CIITA: variants seen among roughly 807,000 people sequenced by gnomAD.
The protein encoded by CIITA is class II major histocompatibility complex transactivator.
A neutral mutation model predicts 115.1 loss-of-function variants in CIITA; 72 were observed. The observed-to-expected ratio is 0.63, with a 90% CI of 0.52 to 0.76. The LOEUF is 0.76. Ranked by LOEUF, CIITA falls within the 30% of genes least tolerant of loss-of-function variation. The pLI, the probability that CIITA is intolerant of heterozygous loss-of-function variation, is 0.00. For synonymous variants in CIITA, 763 were observed against 635.6 expected (o/e 1.20, Z -3.02); for missense variants, 1,617 against 1,463.8 (o/e 1.10, Z -1.71).
rs912452215 is a variant in CIITA at position 10,929,252 on chromosome 16, C to T, written c.*5397C>T. ...GCTGGGAGTCGCTTTTGCGTGTGTC[C>T]GCAGTTTGAAGTGTCCTCTCCGAAG... On this transcript the variant is annotated 3_prime_UTR_variant, in exon 20 of 20. Coordinates refer to ENST00000324288, the MANE Select transcript of CIITA (RefSeq NM_000246.4). The surrounding 1 kb of genome is among the most constrained non-coding windows in gnomAD (Gnocchi z 4.3). 16 of 985,794 alleles carry T rather than the reference C, an allele frequency of 1.6e-5. No homozygotes were observed. Among genetic ancestry groups the T allele is most frequent in the Middle Eastern group, 5.2e-4 (1 of 1,936 alleles). 61.1% of individuals were successfully genotyped at this position (985,794 alleles called of 1,614,324 possible). A position where few individuals can be genotyped will look rare whatever the true frequency, so the allele number is the denominator to read the frequency against.
rs140131015 is a variant in CIITA at position 10,881,685 on chromosome 16, T to C, written c.52+4303T>C. ...AAATCATGGTAAAATACATATAACA[T>C]AAAATTTACCATTTTAACCACTTTC... On this transcript the variant is annotated intron_variant, in intron 1 of 19. Transcript: ENST00000324288. Among the ~76,000 whole-genome samples, 559 of 152,348 alleles carry C rather than the reference T, an allele frequency of 3.7e-3. 5 individuals are homozygous for C. Among genetic ancestry groups the C allele is most frequent in the Middle Eastern group, 0.01 (3 of 294 alleles).
At position 10,941,763 on chromosome 16, in the gene CIITA, G is replaced by C. The variant is rs762030120; in HGVS notation, n.889G>C. On this transcript the variant is annotated non_coding_transcript_exon_variant, in exon 2 of 2. Coordinates refer to the CIITA transcript ENST00000573379. This position sits in a 1 kb window ranked among gnomAD's most constrained non-coding sequence, Gnocchi z 6.4. The stretch of plus-strand genomic sequence containing the variant: ...AGACGTCGAGCTCCGAGTCAGCATC[G>C]TAAAGGCCCGAGCCGGGGTCGGAGA... The C allele has an allele frequency of 1.9e-6, 3 of 1,613,238 alleles. No individual in the cohort carries two copies. Among genetic ancestry groups the C allele is most frequent in the Non-Finnish European group, 2.5e-6 (3 of 1,179,606 alleles).
At position 10,911,095 on chromosome 16, in the gene CIITA, C is replaced by T. The variant is rs11645869; in HGVS notation, c.2888+836C>T. Among the ~76,000 whole-genome samples the T allele has an allele frequency of 4.9e-3, 741 of 152,278 alleles. 2 individuals carry two copies. The highest frequency in any genetic ancestry group is 8.0e-3 in the Non-Finnish European group (544 of 68,014). On this transcript the variant is annotated intron_variant, in intron 13 of 19. Coordinates refer to ENST00000324288, the MANE Select transcript of CIITA (RefSeq NM_000246.4). ...GACCTAGGCAAGGCTCTAGGGAGTC[C>T]AGTTGTGTCTGGGTCACTGAGGAGG...
At chr16:10,876,893 G>A (rs980847089), upstream of CIITA, among the ~76,000 whole-genome samples, 5 of 152,212 alleles carry the variant, frequency 3.3e-5, no homozygotes, top group East Asian at 1.9e-4. Context: ...GAAGGTGGCA[G>A]ATATTGGCAG....
chr16:10,889,247 C>A (rs575924175), intron 1 of CIITA, among the ~76,000 whole-genome samples: 3 of 152,118 alleles, frequency 2.0e-5, no homozygotes, highest in Admixed American at 1.3e-4. Flanking sequence ...AATGAAGGGG[C>A]CTTTGAAGCA....
downstream of CIITA, chr16:10,936,843 G>C (rs575311883): frequency 6.6e-6 from 1 of 152,362 alleles, no homozygotes; most frequent in East Asian, 1.9e-4. Context: ...CAGGGATAAA[G>C]AGGTCTGCCA....
Position 10,943,000 on chromosome 16 carries a change from T to A in CIITA, n.2126T>A, listed in dbSNP as rs933390973. Reference sequence around the variant, plus strand: ...ACACCTGAATAAAGAGATTCCGAGGTAGTTCAGATCTTCAACCATAAGGAT... The same window carrying A: ...ACACCTGAATAAAGAGATTCCGAGGAAGTTCAGATCTTCAACCATAAGGAT... On this transcript the variant is annotated non_coding_transcript_exon_variant, in exon 2 of 2. Transcript: ENST00000573379. This position sits in a 1 kb window ranked among gnomAD's most constrained non-coding sequence, Gnocchi z 5.0. The A allele has an allele frequency of 6.6e-6, 1 of 152,230 alleles. No individual in the cohort carries two copies. The highest frequency in any genetic ancestry group is 1.5e-5 in the Non-Finnish European group (1 of 68,036). The allele number at this position is 152,230 out of a possible 1,614,324, so 9.4% of individuals were successfully genotyped here.
rs2041144224 is a variant in CIITA, at chr16:10,942,947, T to G, written n.2073T>G. ...TCTGGTTGCTGGAAGGTCCGCCCACTACGGAACCTGCATCCTAGAGTTAAG... is the reference window on the plus strand; with the variant it reads ...TCTGGTTGCTGGAAGGTCCGCCCACGACGGAACCTGCATCCTAGAGTTAAG... On this transcript the variant is annotated non_coding_transcript_exon_variant, in exon 2 of 2. Transcript: ENST00000573379. This position sits in a 1 kb window ranked among gnomAD's most constrained non-coding sequence, Gnocchi z 5.0. The G allele has an allele frequency of 6.6e-6, 1 of 152,238 alleles. No individual in the cohort carries two copies. The highest frequency in any genetic ancestry group is 1.5e-5 in the Non-Finnish European group (1 of 68,042). 9.4% of individuals were successfully genotyped at this position (152,238 alleles called of 1,614,324 possible).
intron 16 of CIITA, 152 bp downstream of exon 16, chr16:10,918,678 ACT>A (rs1242153294): frequency 3.0e-6 from 2 of 668,044 alleles, no homozygotes; most frequent in African/African-American, 3.6e-5. Context: ...GGTGAAAGAA[ACT>A]CTGAGCAAGT....
chr16:10,915,943 C>T (rs1334588143), intron 14 of CIITA, among the ~76,000 whole-genome samples: 1 of 152,242 alleles, frequency 6.6e-6, no homozygotes, highest in Non-Finnish European at 1.5e-5. Context: ...GATGACGCCA[C>T]ATCAGATGGG....
chr16:10,899,579 G>A (rs1054380968), intron 5 of CIITA, among the ~76,000 whole-genome samples: 4 of 152,248 alleles, frequency 2.6e-5, no homozygotes, highest in African/African-American at 4.8e-5. Flanking sequence ...TTTCTTGCTC[G>A]TGACTGTTTC....
chr16:10,934,312 C>G lies in CIITA; in HGVS notation c.*10457C>G, dbSNP rs1368181949. The stretch of plus-strand genomic sequence containing the variant: ...ATCATTTATGTCACCATATAACACC[C>G]AAAGCAGTAGAATTTGTCATACACA... On this transcript the variant is annotated 3_prime_UTR_variant, in exon 20 of 20. Coordinates refer to ENST00000324288, the MANE Select transcript of CIITA (RefSeq NM_000246.4). The surrounding 1 kb of genome is among the most constrained non-coding windows in gnomAD (Gnocchi z 4.2). The G allele has an allele frequency of 6.6e-6, 1 of 152,150 alleles. No individual in the cohort carries two copies. Among genetic ancestry groups the G allele is most frequent in the Non-Finnish European group, 1.5e-5 (1 of 68,032 alleles). The allele number at this position is 152,150 out of a possible 1,614,324, so 9.4% of individuals were successfully genotyped here.
At position 10,902,873 on chromosome 16, in the gene CIITA, T is replaced by C. The variant is rs553052381; in HGVS notation, c.772+72T>C. The C allele has an allele frequency of 1.2e-4, 185 of 1,570,492 alleles. 4 individuals carry two copies. In the South Asian group the frequency reaches 1.9e-3, roughly 16 times the overall value. Reference sequence around the variant, plus strand: ...CTGCTCCCTGACCTCATCCTCCCCATACTCCATGCACTTGGCAGTGGTGCC... The same window carrying C: ...CTGCTCCCTGACCTCATCCTCCCCACACTCCATGCACTTGGCAGTGGTGCC... On this transcript the variant is annotated intron_variant, in intron 8 of 19. Transcript: ENST00000324288.
intron 16 of CIITA, among the ~76,000 whole-genome samples, chr16:10,918,975 CTT>C (rs2040119400): frequency 6.6e-6 from 1 of 152,080 alleles, no homozygotes; most frequent in Non-Finnish European, 1.5e-5. Context: ...TTTTGAGTGA[CTT>C]CCATCCAGGC....
chr16:10,914,485 C>A (rs1214231207), intron 13 of CIITA, among the ~76,000 whole-genome samples: 1 of 152,226 alleles, frequency 6.6e-6, no homozygotes, highest in Non-Finnish European at 1.5e-5. Context: ...AAAATACCCA[C>A]TGCTGGCACC....
At chr16:10,871,020 T>C (rs777727841) in intron 1 of CIITA, among the ~76,000 whole-genome samples, 1 of 152,258 alleles carries the variant, frequency 6.6e-6, no homozygotes, top group Non-Finnish European at 1.5e-5. Flanking sequence ...ATGTGGCCCC[T>C]GCCCTCGAGT....
upstream of CIITA, among the ~76,000 whole-genome samples, chr16:10,874,033 T>G (rs546923356): frequency 5.3e-5 from 8 of 152,228 alleles, 1 homozygote; most frequent in South Asian, 1.5e-3. Flanking sequence ...CAGGCTGGAG[T>G]GCAGTGGTGT....
chr16:10,907,051 CG>C lies in CIITA; in HGVS notation c.1561del (p.Glu521SerfsTer37). ...CACAGCACGTGCGGACCGGCACCGG[CG>C]GAGCCCTGCTCCCTCCGGGGGCTGC... Reference protein sequence around the residue: ...FLHSTCGPAPAEPCSLRGLLA... With the variant: ...FLHSTCGPAPXEPCSLRGLLA... On this transcript the variant is annotated frameshift_variant, in exon 11 of 20. Transcript: ENST00000324288. LOFTEE classifies it high-confidence loss of function. The surrounding 1 kb of genome is among the most constrained non-coding windows in gnomAD (Gnocchi z 5.0). 1 of 1,607,302 alleles carries C rather than the reference CG, an allele frequency of 6.2e-7. No individual in the cohort carries two copies. The highest frequency in any genetic ancestry group is 8.5e-7 in the Non-Finnish European group (1 of 1,179,964).
chr16:10,905,048 A>G (rs1343398175), intron 10 of CIITA, among the ~76,000 whole-genome samples: 1 of 152,210 alleles, frequency 6.6e-6, no homozygotes, highest in Non-Finnish European at 1.5e-5. Context: ...CTGGGTGTTA[A>G]CACTTCATTG....
Sources: gnomAD v4.1 joint callset for allele counts (sites outside exome capture counted in the v4.1 genomes callset) on GRCh38, gnomAD v4.1.1 for gene constraint, Gnocchi (gnomAD v3.1) non-coding constraint, MANE v1.5 for transcripts, NCBI Gene and HGNC (gene_info 2026-07-23, HGNC 2026-07-21) for gene names.